Variants in AKAP19 observed in about 807,000 individuals in gnomAD.
AKAP19 encodes small A-kinase anchoring protein.
chr2:189,982,946 G>A, the AKAP19 span, among the ~76,000 whole-genome samples: 1 of 152,076 alleles, frequency 6.6e-6, no homozygotes, highest in Non-Finnish European at 1.5e-5. Flanking sequence ...CTGATAGCAG[G>A]TTTTTTGTTT....
At chr2:190,098,682 C>T in the AKAP19 span, among the ~76,000 whole-genome samples, 3 of 152,188 alleles carry the variant, frequency 2.0e-5, no homozygotes, top group Admixed American at 6.5e-5. Flanking sequence ...GCTTTGAAGC[C>T]AGGCATCGAC....
chr2:189,930,698 G>T, the AKAP19 span: 7 of 487,690 alleles, frequency 1.4e-5, no homozygotes, highest in South Asian at 5.5e-5. Context: ...AAAAGAAATT[G>T]AATTGGGTCC....
chr2:190,050,415 A>G, the AKAP19 span, among the ~76,000 whole-genome samples: 2 of 152,210 alleles, frequency 1.3e-5, no homozygotes, highest in African/African-American at 4.8e-5. Context: ...GTTTAATGTT[A>G]AAAATTGGAA....
At chr2:189,914,785 T>G in the AKAP19 span, among the ~76,000 whole-genome samples, 3 of 152,114 alleles carry the variant, frequency 2.0e-5, no homozygotes, top group African/African-American at 7.2e-5. Flanking sequence ...GGCACTTTAT[T>G]ATAATATTCC....
At chr2:190,200,537 CCA>C in the AKAP19 span, 1 of 183,510 alleles carries the variant, frequency 5.4e-6, no homozygotes, top group African/African-American at 2.4e-5. Flanking sequence ...CAAAAAAAGT[CCA>C]GATATGAAAA....
chr2:190,086,340 C>T, the AKAP19 span, among the ~76,000 whole-genome samples: 1 of 152,220 alleles, frequency 6.6e-6, no homozygotes, highest in Non-Finnish European at 1.5e-5. Flanking sequence ...CATCTGATAA[C>T]CTGTAATAAT....
At chr2:190,144,201 T>G in the AKAP19 span, among the ~76,000 whole-genome samples, 3 of 142,182 alleles carry the variant, frequency 2.1e-5, no homozygotes, top group African/African-American at 7.7e-5. Context: ...AAAATATTAA[T>G]AAAATTATAA....
chr2:190,101,256 C>T, the AKAP19 span, among the ~76,000 whole-genome samples: 2 of 152,196 alleles, frequency 1.3e-5, no homozygotes, highest in African/African-American at 2.4e-5. Context: ...CCACTAGGCC[C>T]TGGAATTGTG....
the AKAP19 span, among the ~76,000 whole-genome samples, chr2:189,914,251 CTAATCT>C: frequency 5.9e-5 from 9 of 152,026 alleles, no homozygotes; most frequent in African/African-American, 1.9e-4. Flanking sequence ...GATCTAGTTT[CTAATCT>C]TAAAGTGTTT....
chr2:189,881,418 A>G, the AKAP19 span, among the ~76,000 whole-genome samples: 1 of 152,184 alleles, frequency 6.6e-6, no homozygotes, highest in Non-Finnish European at 1.5e-5. Context: ...GTTATTAGGA[A>G]AGCTCATTTT....
At chr2:190,121,076 T>G in the AKAP19 span, among the ~76,000 whole-genome samples, 26 of 118,284 alleles carry the variant, frequency 2.2e-4, no homozygotes, top group Admixed American at 1.1e-3. Context: ...TGTTGGAAAT[T>G]TTTTTTAAAA....
At chr2:190,171,330 C>T in the AKAP19 span, among the ~76,000 whole-genome samples, 7 of 151,986 alleles carry the variant, frequency 4.6e-5, no homozygotes, top group Non-Finnish European at 8.8e-5. Context: ...GGTAGGAAAA[C>T]TGCACTAGTA....
the AKAP19 span, among the ~76,000 whole-genome samples, chr2:190,038,867 T>C: frequency 8.1e-6 from 1 of 122,962 alleles, no homozygotes; most frequent in Non-Finnish European, 1.7e-5. Context: ...GGCTTATTTG[T>C]AGAGTCCTCC....
the AKAP19 span, among the ~76,000 whole-genome samples, chr2:189,940,587 C>CA: frequency 1.3e-4 from 19 of 150,232 alleles, no homozygotes; most frequent in Non-Finnish European, 1.8e-4. Flanking sequence ...AGAAAGCTTT[C>CA]AAAAAAAAAC....
chr2:189,883,475 G>A, the AKAP19 span, among the ~76,000 whole-genome samples: 2 of 146,158 alleles, frequency 1.4e-5, no homozygotes, highest in African/African-American at 5.1e-5. Context: ...GTACACAATC[G>A]TTTCTAACAT....
At chr2:189,961,530 A>T in the AKAP19 span, among the ~76,000 whole-genome samples, 2 of 152,300 alleles carry the variant, frequency 1.3e-5, no homozygotes, top group Middle Eastern at 6.8e-3. Context: ...AAAGCTCTTT[A>T]AAACATATAT....
chr2:190,185,189 C>T, the AKAP19 span, among the ~76,000 whole-genome samples: 1 of 152,104 alleles, frequency 6.6e-6, no homozygotes, highest in Non-Finnish European at 1.5e-5. Context: ...ATTTATGCCT[C>T]CTACTTGTTC....
the AKAP19 span, among the ~76,000 whole-genome samples, chr2:190,187,697 A>C: frequency 1.3e-5 from 2 of 152,106 alleles, no homozygotes; most frequent in Non-Finnish European, 2.9e-5. Flanking sequence ...TACAAACAAT[A>C]TAAAAAATAA....
chr2:190,125,783 C>T, the AKAP19 span, among the ~76,000 whole-genome samples: 2 of 152,010 alleles, frequency 1.3e-5, no homozygotes, highest in African/African-American at 2.4e-5. Flanking sequence ...AAAATAAATG[C>T]TTCCCCACCA....
Sources: allele counts gnomAD v4.1 joint callset (sites outside exome capture counted in the v4.1 genomes callset), GRCh38; gene constraint gnomAD v4.1.1; transcripts MANE v1.5; gene names NCBI Gene and HGNC (gene_info 2026-07-23, HGNC 2026-07-21).